The following NELL1 variants were observed in gnomAD, a reference collection of about 807,000 sequenced individuals.
NELL1 encodes the protein neural EGFL like 1, also known as protein kinase C-binding protein NELL1.
A neutral mutation model predicts 107.4 loss-of-function variants in NELL1; 76 were observed. The ratio of observed to expected loss-of-function variants is 0.71; its 90% CI spans 0.59 to 0.86. The LOEUF (loss-of-function observed/expected upper bound fraction) is 0.86, where lower values mean the gene tolerates loss of function less well. Among genes scored for constraint, NELL1 ranks in the 40% least tolerant of loss-of-function variants. The pLI is 0.00. For synonymous variants in NELL1, 353 were observed against 341.2 expected (o/e 1.03, Z -0.38); for missense variants, 1,024 against 1,005.5 (o/e 1.02, Z -0.25).
chr11:21,489,781 A>G (rs1161811195), intron 15 of NELL1, among the ~76,000 whole-genome samples: 1 of 152,154 alleles, frequency 6.6e-6, no homozygotes, highest in African/African-American at 2.4e-5. Context: ...ATCTAGGAAT[A>G]GAAGGAACAT....
chr11:20,828,586 G>T (rs1857935370), intron 3 of NELL1, among the ~76,000 whole-genome samples: 1 of 152,116 alleles, frequency 6.6e-6, no homozygotes, highest in South Asian at 2.1e-4. Context: ...CTGTCTTGGG[G>T]TTCCTCTTAC....
chr11:20,690,497 A>G (rs1352956400), intron 2 of NELL1, among the ~76,000 whole-genome samples: 2 of 150,162 alleles, frequency 1.3e-5, no homozygotes, highest in South Asian at 2.1e-4. Context: ...AGCTTTCTAC[A>G]TATGGCTAGC....
chr11:21,233,718 G>C (rs1858124507), intron 14 of NELL1, among the ~76,000 whole-genome samples: 2 of 152,200 alleles, frequency 1.3e-5, no homozygotes, highest in Admixed American at 1.3e-4. Flanking sequence ...ATCAGCAGCA[G>C]AGTGTTTATC....
chr11:20,927,506 G>A (rs1850526240), intron 8 of NELL1, 64 bp downstream of exon 8: 2 of 1,456,046 alleles, frequency 1.4e-6, no homozygotes, highest in African/African-American at 1.4e-5. Flanking sequence ...GATAATTAGA[G>A]TGTAACCTGG....
intron 9 of NELL1, 63 bp from the exon 10 acceptor site, chr11:20,937,723 T>C (rs1590437203): frequency 1.7e-6 from 2 of 1,147,856 alleles, no homozygotes; most frequent in East Asian, 4.7e-5. Context: ...AGTTAGAAGG[T>C]ACCTCTGAGG....
intron 12 of NELL1, among the ~76,000 whole-genome samples, chr11:20,989,081 AAGC>A (rs1475397860): frequency 6.6e-6 from 1 of 152,188 alleles, no homozygotes; most frequent in Non-Finnish European, 1.5e-5. Context: ...CAGCAAGGTT[AAGC>A]CACTTGCCTA....
chr11:20,997,490 C>A (rs1852117305), intron 12 of NELL1, among the ~76,000 whole-genome samples: 2 of 152,138 alleles, frequency 1.3e-5, no homozygotes. Context: ...TGAAAAAAAT[C>A]TGTGGAATAT....
chr11:20,963,382 A>C (rs1348152533), intron 12 of NELL1, among the ~76,000 whole-genome samples: 1 of 152,126 alleles, frequency 6.6e-6, no homozygotes, highest in Non-Finnish European at 1.5e-5. Context: ...AGAAAGGAGA[A>C]TGAGATGGCC....
chr11:21,297,296 A>C (rs1214085177), intron 14 of NELL1, among the ~76,000 whole-genome samples: 1 of 152,030 alleles, frequency 6.6e-6, no homozygotes, highest in Non-Finnish European at 1.5e-5. Flanking sequence ...AGTTATGTTT[A>C]ACTACTTAAG....
chr11:21,575,039 T>C lies in NELL1; in HGVS notation c.*17T>C, dbSNP rs771868637. ...AATAATTGAAGTATTTACAGTGGAC[T>C]CAACGCAGAAGAATGGACGAAATGA... is the stretch of plus-strand genomic sequence containing the variant. On this transcript the variant is annotated 3_prime_UTR_variant, in exon 20 of 20. Transcript: ENST00000357134. 14 of 1,599,840 alleles carry C rather than the reference T, an allele frequency of 8.8e-6. No individual in the cohort carries two copies. Among genetic ancestry groups the C allele is most frequent in the Non-Finnish European group, 1.1e-5 (13 of 1,167,978 alleles).
intron 4 of NELL1, among the ~76,000 whole-genome samples, chr11:20,849,465 T>A (rs1848758643): frequency 6.6e-6 from 1 of 152,232 alleles, no homozygotes; most frequent in African/African-American, 2.4e-5. Context: ...ATACTCTGTA[T>A]GTCCTTCATG....
intron 16 of NELL1, among the ~76,000 whole-genome samples, chr11:21,551,685 G>T (rs1856589946): frequency 1.3e-5 from 2 of 151,490 alleles, no homozygotes; most frequent in East Asian, 3.9e-4. Context: ...TTACACTGTT[G>T]GTGGGACTGT....
intron 7 of NELL1, among the ~76,000 whole-genome samples, chr11:20,922,514 T>TG (rs1850401779): frequency 6.6e-6 from 1 of 152,028 alleles, no homozygotes; most frequent in African/African-American, 2.4e-5. Context: ...CAGGCAAACT[T>TG]GAAGTTGAAT....
intron 14 of NELL1, among the ~76,000 whole-genome samples, chr11:21,240,766 T>TGGGGGGG (rs150046714): frequency 9.7e-4 from 58 of 59,676 alleles, no homozygotes; most frequent in Non-Finnish European, 1.3e-3. Context: ...GCCTTTCTAG[T>TGGGGGGG]GGGGGGGGGG....
At chr11:21,085,592 C>T (rs1166912394) in intron 12 of NELL1, among the ~76,000 whole-genome samples, 1 of 152,068 alleles carries the variant, frequency 6.6e-6, no homozygotes, top group Non-Finnish European at 1.5e-5. Context: ...ACCATGATCA[C>T]ACCACTGCAC....
intron 4 of NELL1, among the ~76,000 whole-genome samples, chr11:20,880,233 A>G (rs927799247): frequency 6.6e-6 from 1 of 152,228 alleles, no homozygotes; most frequent in Admixed American, 6.5e-5. Context: ...GTAAGCATCT[A>G]AGATATTGAG....
intron 14 of NELL1, among the ~76,000 whole-genome samples, chr11:21,304,272 A>G (rs1439321185): frequency 6.6e-6 from 1 of 152,034 alleles, no homozygotes; most frequent in Non-Finnish European, 1.5e-5. Context: ...CGTCCTATGT[A>G]TTATTTCCTT....
intron 2 of NELL1, 92 bp downstream of exon 2, chr11:20,678,152 C>T (rs1057305377): frequency 1.7e-5 from 24 of 1,437,910 alleles, no homozygotes; most frequent in African/African-American, 4.2e-5. Context: ...GTCTGGAGAT[C>T]GCCTTTGCTA....
At chr11:21,318,170 A>G (rs943064719) in intron 14 of NELL1, among the ~76,000 whole-genome samples, 1 of 152,232 alleles carries the variant, frequency 6.6e-6, no homozygotes, top group Non-Finnish European at 1.5e-5. Flanking sequence ...ACTGGATTCT[A>G]TAGCATAGCA....
Sources: allele counts gnomAD v4.1 joint callset (sites outside exome capture counted in the v4.1 genomes callset), GRCh38; gene constraint gnomAD v4.1.1; transcripts MANE v1.5; gene names NCBI Gene and HGNC (gene_info 2026-07-23, HGNC 2026-07-21).